CCDC149: variants seen among roughly 807,000 people sequenced by gnomAD.
CCDC149 encodes coiled-coil domain-containing protein 149.
In CCDC149, 45 loss-of-function variants were observed where a neutral mutation model predicts 59.9. That is an observed-to-expected ratio of 0.75 (90% CI 0.59 to 0.96). CCDC149 has a LOEUF of 0.96. Ranked by LOEUF, CCDC149 falls within the 40% of genes least tolerant of loss-of-function variation. CCDC149 has a pLI of 0.00. For missense variants in CCDC149, 584 were observed against 664.7 expected (o/e 0.88, Z 1.33); for synonymous variants, 245 against 260.6 (o/e 0.94, Z 0.58).
chr4:24,911,354 T>C (rs1259433655), intron 1 of CCDC149, among the ~76,000 whole-genome samples: 1 of 152,228 alleles, frequency 6.6e-6, no homozygotes, highest in Admixed American at 6.5e-5. Flanking sequence ...CAGGAGTTCT[T>C]TGAGGGTAGG....
chr4:24,938,564 G>A (rs577980100), intron 1 of CCDC149, among the ~76,000 whole-genome samples: 5 of 152,206 alleles, frequency 3.3e-5, no homozygotes, highest in African/African-American at 1.2e-4. Flanking sequence ...AGGGGGTGCA[G>A]TGCACTGGGC....
Position 24,912,793 on chromosome 4 carries a change from GCCT to G in CCDC149, c.63+21_63+23del, listed in dbSNP as rs1204640205. The G allele has an allele frequency of 5.2e-5, 68 of 1,303,352 alleles. No homozygotes were observed. The African/African-American group carries it at 1.0e-3, about 20-fold the overall frequency. 80.7% of individuals were successfully genotyped at this position (1,303,352 alleles called of 1,614,324 possible). ...GCGGCCGCTCGGCCCGGCCCATCCC[GCCT>G]GGCCGGCGCCGCGGCCTCACCTCGC... On this transcript the variant is annotated intron_variant, in intron 1 of 12. Transcript: ENST00000635206.
intron 1 of CCDC149, among the ~76,000 whole-genome samples, chr4:24,962,227 C>T (rs1420181250): frequency 1.3e-5 from 2 of 152,098 alleles, no homozygotes; most frequent in Non-Finnish European, 2.9e-5. Context: ...TCATCACTGG[C>T]CATCAGAGAA....
At chr4:24,853,361 A>G in intron 3 of CCDC149, 182 bp from the exon 4 acceptor site, 1 of 584,802 alleles carries the variant, frequency 1.7e-6, no homozygotes, top group African/African-American at 1.9e-5. Flanking sequence ...GCACGCAGGA[A>G]AATGAAGTTG....
At position 24,912,912 on chromosome 4, in the gene CCDC149, C is replaced by G; in HGVS notation, c.-33G>C. ...CCGGCCTCCTGGACCCCCGCCGCCT[C>G]CTCCTCCTCGCGACGTCGCGTCGCC... On this transcript the variant is annotated 5_prime_UTR_variant, in exon 1 of 13. Transcript: ENST00000635206. The G allele has an allele frequency of 7.9e-7, 1 of 1,262,458 alleles. No homozygotes were observed. The highest frequency in any genetic ancestry group is 1.0e-6 in the Non-Finnish European group (1 of 977,412). 78.2% of individuals were successfully genotyped at this position (1,262,458 alleles called of 1,614,324 possible).
chr4:24,806,285 TC>T lies in CCDC149; in HGVS notation c.*2103del, dbSNP rs1002892090. 2 of 152,186 alleles carry T rather than the reference TC, an allele frequency of 1.3e-5. No individual in the cohort carries two copies. Among genetic ancestry groups the T allele is most frequent in the Admixed American group, 1.3e-4 (2 of 15,258 alleles). The allele number at this position is 152,186 out of a possible 1,614,324, so 9.4% of individuals were successfully genotyped here. A position where few individuals can be genotyped will look rare whatever the true frequency, so the allele number is the denominator to read the frequency against. On this transcript the variant is annotated 3_prime_UTR_variant, in exon 13 of 13. Transcript: ENST00000635206. ...CATTTCACCTGATAACATAAGACCC[TC>T]CCCGCTGACTACACACAGTTTAGGT...
intron 1 of CCDC149, among the ~76,000 whole-genome samples, chr4:24,903,350 T>C (rs1721287035): frequency 1.3e-5 from 2 of 151,934 alleles, no homozygotes; most frequent in Non-Finnish European, 2.9e-5. Context: ...AGAATCAGAG[T>C]GCAAATGAGA....
intron 1 of CCDC149, among the ~76,000 whole-genome samples, chr4:24,907,146 G>A (rs185830231): frequency 2.6e-5 from 4 of 152,174 alleles, no homozygotes; most frequent in African/African-American, 9.7e-5. Context: ...AGTTTCTGTC[G>A]TGAGGTTCAT....
intron 1 of CCDC149, among the ~76,000 whole-genome samples, chr4:24,939,894 G>T (rs1722903333): frequency 6.6e-6 from 1 of 152,238 alleles, no homozygotes; most frequent in African/African-American, 2.4e-5. Flanking sequence ...ATGGGACTAT[G>T]TGAAAAGACC....
intron 1 of CCDC149, among the ~76,000 whole-genome samples, chr4:24,902,913 T>C (rs1358357707): frequency 6.9e-6 from 1 of 145,120 alleles, no homozygotes; most frequent in Non-Finnish European, 1.5e-5. Context: ...TAGTCTCAGC[T>C]ATTCAGGAGG....
intron 3 of CCDC149, among the ~76,000 whole-genome samples, chr4:24,871,861 A>C (rs1328650053): frequency 1.3e-5 from 2 of 152,224 alleles, no homozygotes; most frequent in African/African-American, 4.8e-5. Context: ...AGTCAATGTA[A>C]ATTTTTTTTA....
At chr4:24,805,459 A>G (rs1201392127), downstream of CCDC149, among the ~76,000 whole-genome samples, 1 of 152,226 alleles carries the variant, frequency 6.6e-6, no homozygotes, top group African/African-American at 2.4e-5. Context: ...CAACAAAAAG[A>G]CATGGGGTTC....
chr4:24,805,872 G>C (rs890991072), downstream of CCDC149, among the ~76,000 whole-genome samples: 1 of 152,224 alleles, frequency 6.6e-6, no homozygotes, highest in Non-Finnish European at 1.5e-5. Context: ...AGCTGACACA[G>C]CAGGAAGAGC....
At chr4:24,839,508 C>T (rs1175574701) in intron 4 of CCDC149, among the ~76,000 whole-genome samples, 1 of 152,178 alleles carries the variant, frequency 6.6e-6, no homozygotes, top group Non-Finnish European at 1.5e-5. Context: ...AATCTTCATT[C>T]ACTGCATGAA....
At chr4:24,963,414 G>T (rs911572484) in intron 1 of CCDC149, among the ~76,000 whole-genome samples, 1 of 152,276 alleles carries the variant, frequency 6.6e-6, no homozygotes, top group East Asian at 1.9e-4. Context: ...TAACAAGGCA[G>T]TTTGGGTAGT....
At position 24,905,559 on chromosome 4, in the gene CCDC149, C is replaced by T. The variant is rs1160519895; in HGVS notation, c.63+7258G>A. On this transcript the variant is annotated intron_variant, in intron 1 of 12. Transcript: ENST00000635206. Reference sequence around the variant, plus strand: ...CAAGTGATTCTCCTGCCTCAGCCTCCTGGGTAGCTGGGACTACAAGCGCGT... The same window carrying T: ...CAAGTGATTCTCCTGCCTCAGCCTCTTGGGTAGCTGGGACTACAAGCGCGT... Among the ~76,000 whole-genome samples the T allele has an allele frequency of 2.0e-5, 3 of 150,994 alleles. No homozygotes were observed. The East Asian group carries it at 5.9e-4, about 29-fold the overall frequency.
At chr4:24,882,481 G>T (rs992408928) in intron 1 of CCDC149, among the ~76,000 whole-genome samples, 1 of 152,282 alleles carries the variant, frequency 6.6e-6, no homozygotes, top group Non-Finnish European at 1.5e-5. Context: ...AAATGATATC[G>T]TTGAATTTTG....
intron 1 of CCDC149, among the ~76,000 whole-genome samples, chr4:24,926,845 T>C (rs139080833): frequency 8.5e-4 from 129 of 152,286 alleles, no homozygotes; most frequent in African/African-American, 3.1e-3. Flanking sequence ...CTGGGAGAAC[T>C]TGAAGACGAG....
Position 24,834,937 on chromosome 4 carries a change from T to C in CCDC149, c.820+11A>G, listed in dbSNP as rs780903754. On this transcript the variant is annotated intron_variant, in intron 8 of 12. Transcript: ENST00000635206. ...CTCATGAGCGGTCTCTCCTGGAGCA[T>C]GATATCCTACCTTGCTTTGCAGACA... 2 of 1,591,038 alleles carry C rather than the reference T, an allele frequency of 1.3e-6. No individual in the cohort carries two copies. Among genetic ancestry groups the C allele is most frequent in the Admixed American group, 3.3e-5 (2 of 59,954 alleles).
Sources: allele counts gnomAD v4.1 joint callset (sites outside exome capture counted in the v4.1 genomes callset), GRCh38; gene constraint gnomAD v4.1.1; transcripts MANE v1.5; gene names NCBI Gene and HGNC (gene_info 2026-07-23, HGNC 2026-07-21).